Variants in PIAS1 observed in about 807,000 individuals in gnomAD.
PIAS1 encodes the protein protein inhibitor of activated STAT 1.
A neutral mutation model predicts 71.3 loss-of-function variants in PIAS1; 6 were observed. The ratio of observed to expected loss-of-function variants is 0.08; its 90% CI spans 0.05 to 0.17. The LOEUF is 0.17. PIAS1 is among the 10% of genes least tolerant of loss of function. PIAS1 has a pLI of 1.00. For missense variants in PIAS1, 555 were observed against 793.6 expected, an observed-to-expected ratio of 0.70 and a Z score of 3.61; for synonymous variants, 303 against 292.9, an observed-to-expected ratio of 1.03 and a Z score of -0.35.
At position 68,178,974 on chromosome 15, in the gene PIAS1, C is replaced by T. The variant is rs943812942; in HGVS notation, c.1482-2238C>T. On this transcript the variant is annotated intron_variant, in intron 11 of 13. Coordinates refer to ENST00000249636, the MANE Select transcript of PIAS1 (RefSeq NM_016166.3). This position sits in a 1 kb window ranked among gnomAD's most constrained non-coding sequence, Gnocchi z 4.2. ...TGAATTTCCCAGTGACTAATTGAAC[C>T]CAGCTATAGTATTTGCAAATGCCAG... Among the ~76,000 whole-genome samples the T allele has an allele frequency of 6.6e-6, 1 of 151,892 alleles. No individual in the cohort carries two copies. Among genetic ancestry groups the T allele is most frequent in the Non-Finnish European group, 1.5e-5 (1 of 67,952 alleles).
intron 2 of PIAS1, among the ~76,000 whole-genome samples, chr15:68,093,785 G>A (rs910432470): frequency 5.9e-5 from 9 of 152,148 alleles, no homozygotes; most frequent in Non-Finnish European, 1.3e-4. Flanking sequence ...AGTAAATAAT[G>A]AGTATAAAAA....
Position 68,192,397 on chromosome 15 carries a change from C to T in PIAS1, c.*4562C>T, listed in dbSNP as rs894149955. 1 of 152,230 alleles carries T rather than the reference C, an allele frequency of 6.6e-6. No homozygotes were observed. Among genetic ancestry groups the T allele is most frequent in the Non-Finnish European group, 1.5e-5 (1 of 68,068 alleles). 9.4% of individuals were successfully genotyped at this position (152,230 alleles called of 1,614,324 possible). A position where few individuals can be genotyped will look rare whatever the true frequency, so the allele number is the denominator to read the frequency against. ...TTCTGTTTTTGTATTCTTAAGGCAG[C>T]CAAATCTCGTAAACCTCAGACCCCA... On this transcript the variant is annotated 3_prime_UTR_variant, in exon 14 of 14. Coordinates refer to ENST00000249636, the MANE Select transcript of PIAS1 (RefSeq NM_016166.3).
chr15:68,180,171 G>T (rs370049046), intron 11 of PIAS1, among the ~76,000 whole-genome samples: 6 of 151,980 alleles, frequency 3.9e-5, no homozygotes, highest in African/African-American at 1.5e-4. Flanking sequence ...GTGCAATCAC[G>T]GCTCATGCAG....
intron 2 of PIAS1, among the ~76,000 whole-genome samples, chr15:68,094,661 C>T (rs995040394): frequency 5.3e-5 from 8 of 152,090 alleles, no homozygotes; most frequent in Middle Eastern, 3.2e-3. Context: ...AATTCAAGGA[C>T]GCAGGCTCTG....
chr15:68,125,382 C>T (rs1297353948), intron 2 of PIAS1, among the ~76,000 whole-genome samples: 1 of 152,184 alleles, frequency 6.6e-6, no homozygotes, highest in African/African-American at 2.4e-5. Context: ...CATTACATCT[C>T]AGATATTATT....
At chr15:68,080,868 A>C (rs755354328) in intron 1 of PIAS1, among the ~76,000 whole-genome samples, 1 of 152,266 alleles carries the variant, frequency 6.6e-6, no homozygotes, top group African/African-American at 2.4e-5. Context: ...CTCATAATAT[A>C]GTCTGCTTAA....
At chr15:68,130,174 TAAAG>T (rs1397450110) in intron 2 of PIAS1, among the ~76,000 whole-genome samples, 4 of 151,794 alleles carry the variant, frequency 2.6e-5, no homozygotes, top group South Asian at 2.1e-4. Flanking sequence ...AAATTAAAAA[TAAAG>T]ATTTTTTAAA....
intron 1 of PIAS1, among the ~76,000 whole-genome samples, chr15:68,065,535 G>A (rs74335589): frequency 0.022 from 3,269 of 147,236 alleles, 119 homozygotes; most frequent in African/African-American, 0.078. Context: ...AGGTAGCAGT[G>A]AACTGAGATC....
At chr15:68,106,591 C>T (rs540359159) in intron 2 of PIAS1, among the ~76,000 whole-genome samples, 1 of 151,380 alleles carries the variant, frequency 6.6e-6, no homozygotes, top group South Asian at 2.1e-4. Flanking sequence ...TCATGTTTCC[C>T]CCACCTTTGT....
intron 10 of PIAS1, 89 bp from the exon 11 acceptor site, chr15:68,176,385 A>G: frequency 1.2e-6 from 1 of 806,052 alleles, no homozygotes; most frequent in Non-Finnish European, 1.8e-6. Context: ...TTGTGAATCT[A>G]AACTGTAACT....
At chr15:68,175,891 A>G in intron 10 of PIAS1, 124 bp downstream of exon 10, 2 of 536,800 alleles carry the variant, frequency 3.7e-6, no homozygotes, top group Non-Finnish European at 5.8e-6. Flanking sequence ...AATTCCTATT[A>G]ACTTATTGAT....
At chr15:68,081,676 C>T (rs1309605910) in intron 1 of PIAS1, among the ~76,000 whole-genome samples, 2 of 151,358 alleles carry the variant, frequency 1.3e-5, no homozygotes, top group Non-Finnish European at 3.0e-5. Flanking sequence ...AGGAAAATCC[C>T]AGAAGATAGA....
At chr15:68,135,202 C>A (rs1180123711) in intron 2 of PIAS1, among the ~76,000 whole-genome samples, 2 of 46,158 alleles carry the variant, frequency 4.3e-5, no homozygotes, top group Non-Finnish European at 8.9e-5. Flanking sequence ...GCTGACCCCC[C>A]CACCTCCCTC....
At chr15:68,172,194 C>T (rs1229742732) in intron 8 of PIAS1, among the ~76,000 whole-genome samples, 1 of 151,960 alleles carries the variant, frequency 6.6e-6, no homozygotes, top group Non-Finnish European at 1.5e-5. Context: ...ATACTTTGCT[C>T]AGAATGATGG....
At chr15:68,065,005 A>C (rs2092001733) in intron 1 of PIAS1, among the ~76,000 whole-genome samples, 1 of 152,042 alleles carries the variant, frequency 6.6e-6, no homozygotes, top group Admixed American at 6.6e-5. Flanking sequence ...CGGCCTCCCA[A>C]AGTGTTAGGA....
intron 1 of PIAS1, among the ~76,000 whole-genome samples, chr15:68,071,041 T>C (rs1315132186): frequency 6.6e-6 from 1 of 152,148 alleles, no homozygotes. Flanking sequence ...TGCTCATAAG[T>C]AGAATGGGAA....
rs138474989 is a variant in PIAS1 at position 68,147,863 on chromosome 15, G to A, written c.828+1163G>A. Among the ~76,000 whole-genome samples the A allele has an allele frequency of 8.5e-3, 1,294 of 151,998 alleles. 22 individuals carry two copies. Among genetic ancestry groups the A allele is most frequent in the African/African-American group, 0.03 (1,236 of 41,506 alleles). On this transcript the variant is annotated intron_variant, in intron 6 of 13. Transcript: ENST00000249636. ...TATTTAACTTTTACATATCCTGAGT[G>A]TGTTTCTGATCTTTTTCTATGTTGT...
intron 1 of PIAS1, among the ~76,000 whole-genome samples, chr15:68,074,686 TTTC>T (rs2092138598): frequency 6.6e-6 from 1 of 152,186 alleles, no homozygotes; most frequent in Admixed American, 6.5e-5. Flanking sequence ...CCACAGATCA[TTTC>T]TTCTTTTGGC....
chr15:68,060,129 A>G (rs2091941622), intron 1 of PIAS1, among the ~76,000 whole-genome samples: 1 of 152,222 alleles, frequency 6.6e-6, no homozygotes, highest in Non-Finnish European at 1.5e-5. Flanking sequence ...GTAGTATTTT[A>G]TAATCTATTC....
Sources: gnomAD v4.1 joint callset for allele counts (sites outside exome capture counted in the v4.1 genomes callset) on GRCh38, gnomAD v4.1.1 for gene constraint, Gnocchi (gnomAD v3.1) non-coding constraint, MANE v1.5 for transcripts, NCBI Gene and HGNC (gene_info 2026-07-23, HGNC 2026-07-21) for gene names.